The following CDKAL1 variants were observed in gnomAD, a reference collection of about 807,000 sequenced individuals.
CDKAL1 encodes threonylcarbamoyladenosine tRNA methylthiotransferase.
CDKAL1 carries 32 observed loss-of-function variants against 68.2 expected under a neutral mutation model. The ratio of observed to expected loss-of-function variants is 0.47; its 90% confidence interval spans 0.35 to 0.63. CDKAL1 has a LOEUF of 0.63. Among genes scored for constraint, CDKAL1 ranks in the 30% least tolerant of loss-of-function variants. The pLI is 0.00. For missense variants in CDKAL1, 606 were observed against 696.7 expected, an observed-to-expected ratio of 0.87 and a Z score of 1.47; for synonymous variants, 234 against 244.3, an observed-to-expected ratio of 0.96 and a Z score of 0.39.
intron 5 of CDKAL1, among the ~76,000 whole-genome samples, chr6:20,711,872 T>G (rs1042421362): frequency 6.6e-5 from 10 of 152,216 alleles, no homozygotes; most frequent in Non-Finnish European, 1.3e-4. Flanking sequence ...TGTCTCTTTT[T>G]AGTAGGTAGA....
intron 9 of CDKAL1, among the ~76,000 whole-genome samples, chr6:20,888,851 A>G (rs1761230425): frequency 1.3e-5 from 2 of 152,136 alleles, no homozygotes. Context: ...GAGTCTTTAT[A>G]GCAGTATGAT....
At chr6:20,798,005 G>A (rs931688901) in intron 8 of CDKAL1, among the ~76,000 whole-genome samples, 10 of 151,494 alleles carry the variant, frequency 6.6e-5, no homozygotes, top group African/African-American at 2.4e-4. Context: ...TTGTAGAGAT[G>A]GGGTTTCACC....
At chr6:20,970,052 T>C (rs1404584975) in intron 10 of CDKAL1, among the ~76,000 whole-genome samples, 1 of 152,180 alleles carries the variant, frequency 6.6e-6, no homozygotes, top group Non-Finnish European at 1.5e-5. Flanking sequence ...CAAATGTCTT[T>C]GGGCAAAAGA....
At chr6:20,560,444 G>C (rs998342104) in intron 4 of CDKAL1, among the ~76,000 whole-genome samples, 2 of 152,096 alleles carry the variant, frequency 1.3e-5, no homozygotes, top group African/African-American at 4.8e-5. Context: ...CCCTGACTGT[G>C]CTTGTCCTAG....
Position 21,092,321 on chromosome 6 carries a change from A to G in CDKAL1, c.1237-16080A>G, listed in dbSNP as rs1360163723. On this transcript the variant is annotated intron_variant, in intron 12 of 15. Coordinates refer to ENST00000274695, the MANE Select transcript of CDKAL1 (RefSeq NM_017774.3). ...GTGCAGGTTTGTTACATAGGTATAC[A>G]TGTGCCATGGTGGTTTGCTGCACCT... 6.7e-5 allele frequency among the ~76,000 whole-genome samples: 10 copies of G among 149,372 alleles called. No homozygotes were observed. In the East Asian group the frequency reaches 2.0e-3, roughly 29 times the overall value.
chr6:20,714,375 GTTCTTTT>G (rs1771986134), intron 5 of CDKAL1, among the ~76,000 whole-genome samples: 1 of 83,572 alleles, frequency 1.2e-5, no homozygotes, highest in Non-Finnish European at 2.5e-5. Flanking sequence ...ACTATTGTCT[GTTCTTTT>G]TTTTTTTTTT....
intron 9 of CDKAL1, among the ~76,000 whole-genome samples, chr6:20,868,456 A>G (rs1031905755): frequency 6.6e-6 from 1 of 152,212 alleles, no homozygotes; most frequent in Non-Finnish European, 1.5e-5. Flanking sequence ...CATTGTGCTG[A>G]ATAAGCACTT....
chr6:20,977,938 CTAAT>C (rs1412316787), intron 10 of CDKAL1, among the ~76,000 whole-genome samples: 7 of 152,018 alleles, frequency 4.6e-5, no homozygotes, highest in Non-Finnish European at 8.8e-5. Flanking sequence ...TTGTTAATAT[CTAAT>C]TAATGAATTA....
chr6:20,923,933 G>A (rs1465571071), intron 9 of CDKAL1, among the ~76,000 whole-genome samples: 1 of 151,872 alleles, frequency 6.6e-6, no homozygotes, highest in Non-Finnish European at 1.5e-5. Context: ...GATTGCTTGA[G>A]TCCAAGGGGC....
In CDKAL1 at chr6:21,028,962, A is replaced by C. The variant is rs116073774; in HGVS notation, c.1055+28590A>C. ...ATGCTTTCAAAGTCACCAGGCATTA[A>C]AATTTGAAGATACTGTGCTTCGGGC... On this transcript the variant is annotated intron_variant, in intron 11 of 15. Coordinates refer to ENST00000274695, the MANE Select transcript of CDKAL1 (RefSeq NM_017774.3). Among the ~76,000 whole-genome samples the C allele has an allele frequency of 6.2e-3, 945 of 152,258 alleles. 11 individuals are homozygous for C. Among genetic ancestry groups the C allele is most frequent in the African/African-American group, 0.021 (877 of 41,556 alleles).
chr6:20,658,197 C>G (rs954443417), intron 5 of CDKAL1, among the ~76,000 whole-genome samples: 1 of 152,120 alleles, frequency 6.6e-6, no homozygotes, highest in African/African-American at 2.4e-5. Context: ...ATATAAATGA[C>G]AGAAAGAATA....
At chr6:21,085,671 C>A (rs892342193) in intron 12 of CDKAL1, among the ~76,000 whole-genome samples, 1 of 152,120 alleles carries the variant, frequency 6.6e-6, no homozygotes, top group Non-Finnish European at 1.5e-5. Flanking sequence ...ATGAGAAAGA[C>A]TTTTTACCAG....
At chr6:20,932,590 G>T (rs1763516638) in intron 9 of CDKAL1, among the ~76,000 whole-genome samples, 1 of 152,274 alleles carries the variant, frequency 6.6e-6, no homozygotes, top group African/African-American at 2.4e-5. Flanking sequence ...TTGAGACAAT[G>T]CCCTTTCCCA....
At chr6:20,676,154 G>A (rs977069527) in intron 5 of CDKAL1, among the ~76,000 whole-genome samples, 2 of 150,908 alleles carry the variant, frequency 1.3e-5, no homozygotes, top group Non-Finnish European at 2.9e-5. Flanking sequence ...AAAAGAAAAA[G>A]TTTACAAAGT....
At position 20,862,514 on chromosome 6, in the gene CDKAL1, CTTA is replaced by C. The variant is rs963443336; in HGVS notation, c.742+16343_742+16345del. 1.8e-4 allele frequency among the ~76,000 whole-genome samples: 28 copies of C among 152,126 alleles called. 1 individual carries two copies. The East Asian group carries it at 2.7e-3, about 15-fold the overall frequency. ...TTGGAAAATGCTTAATAAATGAATT[CTTA>C]TTATTACTGTTCTTAATGATATAAC... On this transcript the variant is annotated intron_variant, in intron 9 of 15. Coordinates refer to ENST00000274695, the MANE Select transcript of CDKAL1 (RefSeq NM_017774.3).
At chr6:20,637,446 C>T (rs1392933705) in intron 4 of CDKAL1, among the ~76,000 whole-genome samples, 1 of 151,964 alleles carries the variant, frequency 6.6e-6, no homozygotes, top group East Asian at 1.9e-4. Context: ...GCCTGTAGTC[C>T]CACCTACTCG....
intron 9 of CDKAL1, among the ~76,000 whole-genome samples, chr6:20,928,024 C>T (rs1387969323): frequency 6.6e-6 from 1 of 152,106 alleles, no homozygotes; most frequent in Non-Finnish European, 1.5e-5. Context: ...AATGTTTTGT[C>T]TCTGAAAAAT....
intron 12 of CDKAL1, among the ~76,000 whole-genome samples, chr6:21,082,431 G>C (rs1279578819): frequency 2.0e-5 from 3 of 152,162 alleles, no homozygotes; most frequent in African/African-American, 7.2e-5. Context: ...AGTTAACTCA[G>C]CTCAGAGAAG....
chr6:21,223,760 C>T (rs1421873187), intron 15 of CDKAL1, among the ~76,000 whole-genome samples: 1 of 152,220 alleles, frequency 6.6e-6, no homozygotes, highest in Non-Finnish European at 1.5e-5. Flanking sequence ...AGTCTTGTCT[C>T]TTGGGGCCAA....
Sources: gnomAD v4.1 joint callset for allele counts (sites outside exome capture counted in the v4.1 genomes callset) on GRCh38, gnomAD v4.1.1 for gene constraint, MANE v1.5 for transcripts, NCBI Gene and HGNC (gene_info 2026-07-23, HGNC 2026-07-21) for gene names.